The following TRIP11 variants were observed in gnomAD, a reference collection of about 807,000 sequenced individuals.
TRIP11 encodes thyroid hormone receptor interactor 11.
In TRIP11, 148 loss-of-function variants were observed where a neutral mutation model predicts 223.1. The observed-to-expected ratio is 0.66, with a 90% CI of 0.58 to 0.76. The LOEUF (loss-of-function observed/expected upper bound fraction) is 0.76. TRIP11 is among the 30% of genes least tolerant of loss of function. The pLI, the probability that TRIP11 is intolerant of heterozygous loss-of-function variation, is 0.00. For synonymous variants in TRIP11, 762 were observed against 772.6 expected, an observed-to-expected ratio of 0.99 and a Z score of 0.23; for missense variants, 2,043 against 2,222.0, an observed-to-expected ratio of 0.92 and a Z score of 1.62.
chr14:92,026,744 A>C, intron 2 of TRIP11: 1 of 1,068,518 alleles, frequency 9.4e-7, no homozygotes, highest in Non-Finnish European at 1.4e-6. Context: ...GAGGAAGAGG[A>C]GGAGGAAGAA....
rs1595361461 is a variant in TRIP11 at position 91,968,278 on chromosome 14, C to T, written c.*1395G>A. 4.9e-6 allele frequency: 1 copy of T among 203,900 alleles called. No homozygotes were observed. The highest frequency in any genetic ancestry group is 7.6e-5 in the East Asian group (1 of 13,130). The allele number at this position is 203,900 out of a possible 1,614,324, so 12.6% of individuals were successfully genotyped here. On this transcript the variant is annotated 3_prime_UTR_variant, in exon 21 of 21. Transcript: ENST00000267622. Reference sequence around the variant, plus strand: ...AAGAAATATCTTTTTAAATGTACAACTTCAACAACTAATAAAAATATGAAC... The same window carrying T: ...AAGAAATATCTTTTTAAATGTACAATTTCAACAACTAATAAAAATATGAAC...
At position 92,000,116 on chromosome 14, in the gene TRIP11, A is replaced by G. The variant is rs1467540429; in HGVS notation, c.4558-8T>C. 3 of 1,613,744 alleles carry G rather than the reference A, an allele frequency of 1.9e-6. No homozygotes were observed. The highest frequency in any genetic ancestry group is 1.7e-5 in the Admixed American group (1 of 60,006). On this transcript the variant is annotated splice_polypyrimidine_tract_variant and splice_region_variant and intron_variant, in intron 11 of 20. Transcript: ENST00000267622. ...TAACTCTCCAGTCTTGCCCTTTTGG[A>G]AAGAAAAAATTTTAGCTTTAAAAAA...
chr14:92,022,243 C>T (rs1369752606), intron 3 of TRIP11, among the ~76,000 whole-genome samples: 1 of 152,180 alleles, frequency 6.6e-6, no homozygotes, highest in African/African-American at 2.4e-5. Context: ...TCTCCTGTTA[C>T]AAGGGTGTTG....
intron 16 of TRIP11, among the ~76,000 whole-genome samples, chr14:91,979,669 A>T (rs2056512310): frequency 6.6e-6 from 1 of 152,168 alleles, no homozygotes; most frequent in African/African-American, 2.4e-5. Flanking sequence ...CTAGGGGGAA[A>T]AACTCAGAAT....
chr14:92,036,501 A>G (rs2057326768), intron 1 of TRIP11, among the ~76,000 whole-genome samples: 1 of 152,230 alleles, frequency 6.6e-6, no homozygotes, highest in Non-Finnish European at 1.5e-5. Context: ...CACAACTTGT[A>G]ATGCACAAAA....
intron 1 of TRIP11, among the ~76,000 whole-genome samples, chr14:92,038,806 A>G (rs2057351234): frequency 1.3e-5 from 2 of 152,234 alleles, no homozygotes; most frequent in Admixed American, 1.3e-4. Flanking sequence ...CAAGAAATCA[A>G]AATAGTAATT....
intron 16 of TRIP11, among the ~76,000 whole-genome samples, chr14:91,980,782 T>C (rs2056528202): frequency 6.6e-6 from 1 of 151,736 alleles, no homozygotes; most frequent in Non-Finnish European, 1.5e-5. Context: ...TATATATATG[T>C]CAATAAATAA....
intron 16 of TRIP11, among the ~76,000 whole-genome samples, chr14:91,981,012 ATTTTTTTTTTTT>A (rs564098716): frequency 8.0e-5 from 4 of 49,944 alleles, no homozygotes; most frequent in African/African-American, 2.7e-4. Context: ...ATATATATAT[ATTTTTTTTTTTT>A]TTTTTTTTTT....
rs552112596 is a variant in TRIP11, at chr14:91,969,350, A to T, written c.*323T>A. The T allele has an allele frequency of 2.7e-6, 1 of 366,852 alleles. No individual in the cohort carries two copies. Among genetic ancestry groups the T allele is most frequent in the South Asian group, 3.8e-5 (1 of 26,288 alleles). The allele number at this position is 366,852 out of a possible 1,614,324, so 22.7% of individuals were successfully genotyped here. On this transcript the variant is annotated 3_prime_UTR_variant, in exon 21 of 21. Coordinates refer to ENST00000267622, the MANE Select transcript of TRIP11 (RefSeq NM_004239.4). ...TCTAGCTTAAATGAGCTTGGAAATC[A>T]CAAAAGGAAATAAAAAGCTGCCATA... is the stretch of plus-strand genomic sequence containing the variant.
intron 16 of TRIP11, among the ~76,000 whole-genome samples, chr14:91,984,881 C>T (rs1280764496): frequency 6.6e-6 from 1 of 152,158 alleles, no homozygotes; most frequent in Non-Finnish European, 1.5e-5. Flanking sequence ...GTCTTTGGAA[C>T]TGTATTGAAG....
chr14:92,016,862 A>C (rs2057041403), intron 5 of TRIP11, among the ~76,000 whole-genome samples: 1 of 152,230 alleles, frequency 6.6e-6, no homozygotes, highest in South Asian at 2.1e-4. Context: ...TATTGTAATA[A>C]TAATGAACCC....
intron 3 of TRIP11, among the ~76,000 whole-genome samples, chr14:92,024,320 G>A (rs1276476302): frequency 2.0e-5 from 3 of 149,490 alleles, no homozygotes; most frequent in Non-Finnish European, 3.0e-5. Context: ...GCAGTGAGCC[G>A]AGATTGCACC....
chr14:91,983,868 T>A (rs1196704785), intron 16 of TRIP11, among the ~76,000 whole-genome samples: 1 of 152,246 alleles, frequency 6.6e-6, no homozygotes, highest in Non-Finnish European at 1.5e-5. Flanking sequence ...GGAATGTCTT[T>A]ATTTAAAATA....
chr14:92,017,909 T>C (rs549981475), intron 4 of TRIP11, among the ~76,000 whole-genome samples, 159 bp from the exon 5 acceptor site: 1 of 152,308 alleles, frequency 6.6e-6, no homozygotes, highest in East Asian at 1.9e-4. Flanking sequence ...CCTAGTCTAA[T>C]AGTGAATAAT....
rs1323880915 is a variant in TRIP11 at position 92,027,876 on chromosome 14, G to A, written c.202-2456C>T. Among the ~76,000 whole-genome samples, 3 of 152,084 alleles carry A rather than the reference G, an allele frequency of 2.0e-5. No individual in the cohort carries two copies. The East Asian group carries it at 5.8e-4, about 29-fold the overall frequency. On this transcript the variant is annotated intron_variant, in intron 2 of 20. Coordinates refer to ENST00000267622, the MANE Select transcript of TRIP11 (RefSeq NM_004239.4). ...ACATAAATTCCCAGAGAAAACCAAT[G>A]GAATAATCAAAGGAATAATTACAGC...
At chr14:91,979,254 C>G (rs1264502210) in intron 16 of TRIP11, among the ~76,000 whole-genome samples, 1 of 119,518 alleles carries the variant, frequency 8.4e-6, no homozygotes, top group Non-Finnish European at 1.7e-5. Flanking sequence ...GAGACCCTGT[C>G]TCCAAAAAAA....
In TRIP11 at chr14:92,004,759, C is replaced by T; in HGVS notation, c.3217G>A (p.Ala1073Thr). 6.2e-7 allele frequency: 1 copy of T among 1,614,126 alleles called. No individual in the cohort carries two copies. The highest frequency in any genetic ancestry group is 8.5e-7 in the Non-Finnish European group (1 of 1,180,020). The change falls in exon 11 of 21, where the codon GCT becomes ACT. Residue 1073 changes from alanine (A) to threonine (T), a missense_variant. Physicochemically the swap from Ala to Thr is moderately conservative, Grantham distance 58. Transcript: ENST00000267622. ...GTATGGGAAGTTGAAGAAATTCTAG[C>T]ATGAAGAGCTTGTATCTCCAAATCT... ...QKDLEIQALH[A>T]RISSTSHTQD...
chr14:91,994,257 AC>A (rs1366070981), intron 14 of TRIP11, among the ~76,000 whole-genome samples: 7 of 141,250 alleles, frequency 5.0e-5, no homozygotes, highest in African/African-American at 1.7e-4. Context: ...GACCTCAAAA[AC>A]TTTTTTTTTT....
At position 91,967,500 on chromosome 14, in the gene TRIP11, C is replaced by T. The variant is rs1451747625; in HGVS notation, c.*2173G>A. 1 of 194,688 alleles carries T rather than the reference C, an allele frequency of 5.1e-6. No individual in the cohort carries two copies. Among genetic ancestry groups the T allele is most frequent in the Non-Finnish European group, 1.1e-5 (1 of 93,634 alleles). The allele number at this position is 194,688 out of a possible 1,614,324, so 12.1% of individuals were successfully genotyped here. ...TAAATAGCAGCCATTTAATATCATG[C>T]TCTGTGATGTTTAGCTATGCAATCC... On this transcript the variant is annotated 3_prime_UTR_variant, in exon 21 of 21. Transcript: ENST00000267622.
Sources: allele counts gnomAD v4.1 joint callset (sites outside exome capture counted in the v4.1 genomes callset), GRCh38; gene constraint gnomAD v4.1.1; transcripts MANE v1.5; gene names NCBI Gene and HGNC (gene_info 2026-07-23, HGNC 2026-07-21).